The following PRKCH variants were observed in gnomAD, a reference collection of about 807,000 sequenced individuals.
PRKCH encodes the protein protein kinase C eta.
A neutral mutation model predicts 82.5 loss-of-function variants in PRKCH; 28 were observed. The ratio of observed to expected loss-of-function variants is 0.34; its 90% CI spans 0.25 to 0.47. The LOEUF (loss-of-function observed/expected upper bound fraction) is 0.47. Ranked by LOEUF, PRKCH falls within the 20% of genes least tolerant of loss-of-function variation. The pLI, the probability that PRKCH is intolerant of heterozygous loss-of-function variation, is 1.00. For synonymous variants in PRKCH, 322 were observed against 327.4 expected (o/e 0.98, Z 0.18); for missense variants, 705 against 881.8 (o/e 0.80, Z 2.54).
intron 1 of PRKCH, among the ~76,000 whole-genome samples, chr14:61,215,366 C>A (rs1032983855): frequency 2.0e-5 from 3 of 152,148 alleles, no homozygotes; most frequent in South Asian, 4.2e-4. Flanking sequence ...ATCAGAGAAA[C>A]CCTGCCTAAG....
chr14:61,337,662 G>A lies in PRKCH; in HGVS notation c.363+15198G>A, dbSNP rs548221140. Among the ~76,000 whole-genome samples the A allele has an allele frequency of 3.9e-5, 6 of 152,284 alleles. No individual in the cohort carries two copies. The East Asian group carries it at 1.2e-3, about 29-fold the overall frequency. On this transcript the variant is annotated intron_variant, in intron 1 of 13. Coordinates refer to ENST00000332981, the MANE Select transcript of PRKCH (RefSeq NM_006255.5). ...GCTGCTCTCTAATTCCTGACTTCGA[G>A]TGATGCCACCCTTCATGGCCTCCCA...
At chr14:61,273,553 G>T (rs1424306750) in intron 1 of PRKCH, among the ~76,000 whole-genome samples, 2 of 152,148 alleles carry the variant, frequency 1.3e-5, no homozygotes, top group African/African-American at 2.4e-5. Context: ...GAAATACATT[G>T]ATTACTTTTG....
chr14:61,492,169 C>T (rs1269553886), intron 10 of PRKCH: 2 of 152,242 alleles, frequency 1.3e-5, no homozygotes, highest in African/African-American at 4.8e-5. Context: ...GCGTATCTTA[C>T]TTCACTTGGC....
In PRKCH at chr14:61,386,161, C is replaced by T. The variant is rs118155726; in HGVS notation, c.364-5064C>T. On this transcript the variant is annotated intron_variant, in intron 1 of 13. Coordinates refer to ENST00000332981, the MANE Select transcript of PRKCH (RefSeq NM_006255.5). ...ATAACATACCTCCCTGGAGAGTGTA[C>T]AAGAATTAAGAGATGGGGATACTGG... Among the ~76,000 whole-genome samples, 9 of 152,184 alleles carry T rather than the reference C, an allele frequency of 5.9e-5. No individual in the cohort carries two copies. The East Asian group carries it at 1.7e-3, about 29-fold the overall frequency.
intron 2 of PRKCH, among the ~76,000 whole-genome samples, chr14:61,407,864 A>G (rs571266683): frequency 6.6e-6 from 1 of 152,208 alleles, no homozygotes; most frequent in Non-Finnish European, 1.5e-5. Context: ...CAGCCTGCAG[A>G]CCAGTTTTGC....
intron 2 of PRKCH, among the ~76,000 whole-genome samples, chr14:61,440,008 T>G (rs1883881529): frequency 1.3e-5 from 2 of 152,212 alleles, no homozygotes. Flanking sequence ...TCTTGGTAAT[T>G]AGATCCCCAG....
intron 1 of PRKCH, among the ~76,000 whole-genome samples, chr14:61,362,758 G>A (rs1421669546): frequency 1.3e-5 from 2 of 152,194 alleles, no homozygotes; most frequent in African/African-American, 4.8e-5. Context: ...ATGTGTCGAT[G>A]ACCCTCTTTG....
intron 1 of PRKCH, 72 bp downstream of exon 1, chr14:61,322,536 C>T: frequency 6.6e-7 from 1 of 1,510,814 alleles, no homozygotes; most frequent in Non-Finnish European, 8.9e-7. Flanking sequence ...AAAACTCACC[C>T]GGGTCCCGCT....
At chr14:61,292,090 C>T (rs1160716105) in intron 1 of PRKCH, among the ~76,000 whole-genome samples, 2 of 152,082 alleles carry the variant, frequency 1.3e-5, no homozygotes, top group Non-Finnish European at 2.9e-5. Context: ...ATTTTAGATG[C>T]ACCACCTAGT....
rs539097388 is a variant in PRKCH, at chr14:61,530,288, C to G, written c.1573-119C>G. ...ATGGAATGAAATACGCTTGCTAGCA[C>G]AGGAGACTTTTTTAAAAAAACTTTG... On this transcript the variant is annotated intron_variant, in intron 11 of 13. Coordinates refer to ENST00000332981, the MANE Select transcript of PRKCH (RefSeq NM_006255.5). 30 of 1,115,400 alleles carry G rather than the reference C, an allele frequency of 2.7e-5. No homozygotes were observed. The African/African-American group carries it at 4.6e-4, about 17-fold the overall frequency. The allele number at this position is 1,115,400 out of a possible 1,614,324, so 69.1% of individuals were successfully genotyped here.
intron 3 of PRKCH, among the ~76,000 whole-genome samples, chr14:61,443,665 C>T (rs890279385): frequency 3.3e-5 from 5 of 152,204 alleles, no homozygotes; most frequent in African/African-American, 7.2e-5. Context: ...TTAATGGTTG[C>T]GAGAAAACTA....
Position 61,529,175 on chromosome 14 carries a change from G to T in PRKCH, c.1534G>T (p.Ala512Ser), listed in dbSNP as rs2140005928. 1 of 1,613,916 alleles carries T rather than the reference G, an allele frequency of 6.2e-7. No individual in the cohort carries two copies. Among genetic ancestry groups the T allele is most frequent in the Non-Finnish European group, 8.5e-7 (1 of 1,179,912 alleles). Residue 512 changes from alanine (A) to serine (S), a missense_variant, in exon 11 of 14, where the codon GCC becomes TCC. Coordinates refer to ENST00000332981, the MANE Select transcript of PRKCH (RefSeq NM_006255.5). The part of the protein sequence containing the change: ...KEGICNGVTT[A>S]TFCGTPDYIA... ...GGGGATTTGCAATGGTGTCACCACG[G>T]CCACATTCTGTGGCACGCCAGACTA... is the stretch of plus-strand genomic sequence containing the variant.
chr14:61,219,227 T>C (rs1227932104), intron 1 of PRKCH, among the ~76,000 whole-genome samples: 6 of 152,228 alleles, frequency 3.9e-5, no homozygotes, highest in Non-Finnish European at 7.3e-5. Context: ...CATGTGGTAG[T>C]TGTGTATTAT....
At chr14:61,272,198 G>A (rs924605054) in intron 1 of PRKCH, among the ~76,000 whole-genome samples, 14 of 150,928 alleles carry the variant, frequency 9.3e-5, no homozygotes, top group Admixed American at 2.0e-4. Flanking sequence ...ACTGCACTCT[G>A]GCCTGGGCAA....
At chr14:61,356,010 G>C (rs2046142883) in intron 1 of PRKCH, among the ~76,000 whole-genome samples, 1 of 152,212 alleles carries the variant, frequency 6.6e-6, no homozygotes, top group African/African-American at 2.4e-5. Flanking sequence ...GAGGAGGGTA[G>C]TCTTTCTGGT....
At position 61,280,899 on chromosome 14, in the gene PRKCH, G is replaced by T; in HGVS notation, c.-19+93231G>T. The T allele has an allele frequency of 6.5e-7, 1 of 1,547,302 alleles. No individual in the cohort carries two copies. The highest frequency in any genetic ancestry group is 2.0e-5 in the Admixed American group (1 of 50,282). ...AGGGGGGCGGCAGCGCCCGGCCCTGGCCAGCCGCGGCGCACACCGAGCAGT... is the reference window on the plus strand; with the variant it reads ...AGGGGGGCGGCAGCGCCCGGCCCTGTCCAGCCGCGGCGCACACCGAGCAGT... On this transcript the variant is annotated intron_variant, in intron 1 of 3. Coordinates refer to the PRKCH transcript ENST00000555185. The surrounding 1 kb of genome is among the most constrained non-coding windows in gnomAD (Gnocchi z 5.0).
chr14:61,213,070 G>C (rs1411657128), intron 1 of PRKCH, among the ~76,000 whole-genome samples: 1 of 152,160 alleles, frequency 6.6e-6, no homozygotes, highest in African/African-American at 2.4e-5. Context: ...AAAACACAGG[G>C]ACAGGCAGGA....
rs1555386082 is a variant in PRKCH, at chr14:61,428,096, C to CAT, written c.428-15005_428-15004dup. ...ATAGATACACACACACACACACACA[C>CAT]ATATATATATACACACATATATATA... On this transcript the variant is annotated intron_variant, in intron 2 of 13. Transcript: ENST00000332981. 2.5e-4 allele frequency among the ~76,000 whole-genome samples: 26 copies of CAT among 105,480 alleles called. No homozygotes were observed. In the South Asian group the frequency reaches 2.8e-3, roughly 11 times the overall value. The allele number at this position is 105,480 out of a possible 152,430, so 69.2% of individuals were successfully genotyped here. A position where few individuals can be genotyped will look rare whatever the true frequency, so the allele number is the denominator to read the frequency against.
intron 12 of PRKCH, chr14:61,545,362 CTT>C (rs1408285407): frequency 6.6e-6 from 1 of 152,200 alleles, no homozygotes; most frequent in Non-Finnish European, 1.5e-5. Flanking sequence ...ATCTAAGTCT[CTT>C]TTCATTTCAT....
Sources: gnomAD v4.1 joint callset for allele counts (sites outside exome capture counted in the v4.1 genomes callset) on GRCh38, gnomAD v4.1.1 for gene constraint, Gnocchi (gnomAD v3.1) non-coding constraint, MANE v1.5 for transcripts, NCBI Gene and HGNC (gene_info 2026-07-23, HGNC 2026-07-21) for gene names.